Variants in PPP2R2B observed in about 807,000 individuals in gnomAD.
The protein encoded by PPP2R2B is serine/threonine-protein phosphatase 2A 55 kDa regulatory subunit B beta isoform.
A neutral mutation model predicts 46.0 loss-of-function variants in PPP2R2B; 5 were observed. The observed-to-expected ratio is 0.11, with a 90% CI of 0.06 to 0.23. PPP2R2B has a LOEUF of 0.23. PPP2R2B is among the 10% of genes least tolerant of loss of function. The pLI is 1.00. For missense variants in PPP2R2B, 367 were observed against 575.0 expected (o/e 0.64, Z 3.70); for synonymous variants, 215 against 206.7 (o/e 1.04, Z -0.34).
At position 146,855,365 on chromosome 5, in the gene PPP2R2B, T is replaced by C. The variant is rs116758637; in HGVS notation, c.70+22637A>G. 4.8e-3 allele frequency among the ~76,000 whole-genome samples: 735 copies of C among 152,292 alleles called. 8 individuals are homozygous for C. Among genetic ancestry groups the C allele is most frequent in the African/African-American group, 0.017 (694 of 41,570 alleles). ...TTAAAAATATCACCTGCATGGAGTC[T>C]CTATAAATGCATAATGCTAACATTG... On this transcript the variant is annotated intron_variant, in intron 2 of 9. Transcript: ENST00000394411.
intron 2 of PPP2R2B, among the ~76,000 whole-genome samples, chr5:146,792,060 T>C (rs1756235248): frequency 6.6e-6 from 1 of 152,192 alleles, no homozygotes. Flanking sequence ...CCCTGCACTA[T>C]GGCAGACAAT....
intron 7 of PPP2R2B, among the ~76,000 whole-genome samples, chr5:146,631,793 C>A (rs929378030): frequency 6.6e-6 from 1 of 152,184 alleles, no homozygotes; most frequent in Non-Finnish European, 1.5e-5. Context: ...TTTCTATCAT[C>A]CTGGTCCTTT....
chr5:146,741,404 G>A (rs1581996748), intron 2 of PPP2R2B, among the ~76,000 whole-genome samples: 1 of 152,080 alleles, frequency 6.6e-6, no homozygotes, highest in African/African-American at 2.4e-5. Flanking sequence ...GGTGTCAGGG[G>A]AAGGTATAAA....
chr5:146,793,669 C>CTAGAGTCT (rs1354861454), intron 2 of PPP2R2B, among the ~76,000 whole-genome samples: 1 of 152,180 alleles, frequency 6.6e-6, no homozygotes, highest in African/African-American at 2.4e-5. Flanking sequence ...CAGTCTGACT[C>CTAGAGTCT]TAGAGTCTGT....
intron 1 of PPP2R2B, among the ~76,000 whole-genome samples, chr5:146,933,739 C>T (rs966740353): frequency 2.7e-5 from 4 of 149,608 alleles, no homozygotes; most frequent in East Asian, 4.0e-4. Context: ...TGTGCAGGTT[C>T]GTTACATATG....
intron 7 of PPP2R2B, among the ~76,000 whole-genome samples, chr5:146,628,301 A>G (rs1774196817): frequency 6.6e-6 from 1 of 152,154 alleles, no homozygotes; most frequent in Non-Finnish European, 1.5e-5. Context: ...TCAGCATGAA[A>G]AAGTCAGACT....
At chr5:146,809,879 A>G (rs907213252) in intron 2 of PPP2R2B, among the ~76,000 whole-genome samples, 1 of 152,180 alleles carries the variant, frequency 6.6e-6, no homozygotes, top group Non-Finnish European at 1.5e-5. Context: ...CAGGTGGGAA[A>G]TGGCAGTGGC....
intron 5 of PPP2R2B, among the ~76,000 whole-genome samples, chr5:146,660,461 C>T (rs539930316): frequency 2.6e-5 from 4 of 152,234 alleles, no homozygotes; most frequent in African/African-American, 4.8e-5. Flanking sequence ...CGTTAAACCT[C>T]ACTTTGGTCA....
chr5:146,758,122 C>T (rs1753948788), intron 2 of PPP2R2B, among the ~76,000 whole-genome samples: 3 of 152,168 alleles, frequency 2.0e-5, no homozygotes, highest in Non-Finnish European at 4.4e-5. Flanking sequence ...ACAGGCCACC[C>T]CTTCCTCTCA....
rs79710605 is a variant in PPP2R2B, at chr5:146,608,898, A to G, written c.791-8438T>C. ...AATTCTACTCCAACTGTTACAAAAA[A>G]ATAGAGGAGGGAATACTTCCAAACT... On this transcript the variant is annotated intron_variant, in intron 7 of 9. Coordinates refer to ENST00000394411, the MANE Select transcript of PPP2R2B (RefSeq NM_181675.4). Among the ~76,000 whole-genome samples, 1,194 of 152,306 alleles carry G rather than the reference A, an allele frequency of 7.8e-3. 19 individuals are homozygous for G. Among genetic ancestry groups the G allele is most frequent in the African/African-American group, 0.027 (1,128 of 41,566 alleles).
chr5:146,636,776 C>T (rs945468323), intron 7 of PPP2R2B, among the ~76,000 whole-genome samples: 4 of 152,238 alleles, frequency 2.6e-5, no homozygotes, highest in Non-Finnish European at 4.4e-5. Context: ...ACCATCATTG[C>T]TATTTAACCT....
upstream of PPP2R2B, among the ~76,000 whole-genome samples, chr5:147,057,620 A>G (rs984133117): frequency 3.9e-5 from 6 of 152,196 alleles, no homozygotes; most frequent in African/African-American, 1.4e-4. Flanking sequence ...TCTTGAAAGA[A>G]GTGAGACAAT....
At chr5:146,908,235 T>G (rs1359992893) in intron 1 of PPP2R2B, among the ~76,000 whole-genome samples, 2 of 152,148 alleles carry the variant, frequency 1.3e-5, no homozygotes, top group Non-Finnish European at 2.9e-5. Flanking sequence ...TAGATCACAG[T>G]TGCAACATTA....
chr5:146,943,335 C>T (rs1764381356), intron 1 of PPP2R2B, among the ~76,000 whole-genome samples: 2 of 152,102 alleles, frequency 1.3e-5, no homozygotes, highest in Non-Finnish European at 1.5e-5. Context: ...AGGCCTTGTA[C>T]TAATTCACAG....
chr5:146,879,224 C>G (rs928197302), upstream of PPP2R2B: 1 of 153,460 alleles, frequency 6.5e-6, no homozygotes, highest in African/African-American at 2.4e-5. Context: ...GGAAGTGCCG[C>G]TCAGAGCCTA....
At chr5:147,057,600 C>T (rs1757129613), upstream of PPP2R2B, among the ~76,000 whole-genome samples, 1 of 152,148 alleles carries the variant, frequency 6.6e-6, no homozygotes. Flanking sequence ...ACAAGGTTTT[C>T]CTCATGTATT....
intron 2 of PPP2R2B, among the ~76,000 whole-genome samples, chr5:146,764,964 C>A (rs1045717017): frequency 2.4e-4 from 36 of 152,072 alleles, no homozygotes; most frequent in African/African-American, 8.7e-4. Context: ...ATTTAATTAT[C>A]CTCAGGTATA....
intron 2 of PPP2R2B, among the ~76,000 whole-genome samples, chr5:146,798,888 CCACTT>C (rs1485088107): frequency 3.3e-5 from 5 of 152,138 alleles, no homozygotes; most frequent in Non-Finnish European, 7.3e-5. Flanking sequence ...GCTATCTTAG[CCACTT>C]CACTTCTGTC....
At chr5:146,924,575 A>G (rs1445086627) in intron 1 of PPP2R2B, among the ~76,000 whole-genome samples, 1 of 152,162 alleles carries the variant, frequency 6.6e-6, no homozygotes, top group African/African-American at 2.4e-5. Flanking sequence ...GCTTTTTATT[A>G]GGGCCAGCTT....
Sources: gnomAD v4.1 joint callset for allele counts (sites outside exome capture counted in the v4.1 genomes callset) on GRCh38, gnomAD v4.1.1 for gene constraint, MANE v1.5 for transcripts, NCBI Gene and HGNC (gene_info 2026-07-23, HGNC 2026-07-21) for gene names.